UBA2: variants seen among roughly 807,000 people sequenced by gnomAD.
UBA2 encodes the protein SUMO-activating enzyme subunit 2.
In UBA2, 11 loss-of-function variants were observed where a neutral mutation model predicts 77.2. That is an observed-to-expected ratio of 0.14 (90% CI 0.09 to 0.24). UBA2 has a LOEUF of 0.24. Ranked by LOEUF, UBA2 falls within the 10% of genes least tolerant of loss-of-function variation. The pLI is 1.00. For missense variants in UBA2, 487 were observed against 781.7 expected (o/e 0.62, Z 4.50); for synonymous variants, 278 against 276.7 (o/e 1.00, Z -0.05).
intron 13 of UBA2, among the ~76,000 whole-genome samples, chr19:34,459,679 CCACTTTGGGAT>C: frequency 6.6e-6 from 1 of 152,258 alleles, no homozygotes; most frequent in South Asian, 2.1e-4. Context: ...GTGTCACTTT[CCACTTTGGGAT>C]CACTTCCTAT....
chr19:34,464,793 G>T (rs1345512136), intron 15 of UBA2, among the ~76,000 whole-genome samples: 2 of 152,094 alleles, frequency 1.3e-5, no homozygotes, highest in East Asian at 3.9e-4. Flanking sequence ...TGATTTTGTG[G>T]CAATAACAAA....
intron 1 of UBA2, among the ~76,000 whole-genome samples, chr19:34,429,728 C>T (rs1038753589): frequency 6.6e-6 from 1 of 151,786 alleles, no homozygotes; most frequent in Non-Finnish European, 1.5e-5. Context: ...CCCAGCTACC[C>T]GGGAGGCTGT....
At chr19:34,432,567 T>G (rs1002099083) in intron 3 of UBA2, among the ~76,000 whole-genome samples, 4 of 151,896 alleles carry the variant, frequency 2.6e-5, no homozygotes, top group African/African-American at 4.8e-5. Context: ...TGTGTTTTTT[T>G]TGTGTGTGAG....
chr19:34,434,754 A>G, intron 4 of UBA2, 114 bp from the exon 5 acceptor site: 1 of 765,546 alleles, frequency 1.3e-6, no homozygotes, highest in Non-Finnish European at 2.2e-6. Context: ...CATAGCTATA[A>G]GAAAATTGTA....
intron 9 of UBA2, among the ~76,000 whole-genome samples, chr19:34,451,545 T>G (rs996550106): frequency 1.2e-4 from 15 of 123,306 alleles, no homozygotes; most frequent in African/African-American, 3.4e-4. Context: ...AGTTTTTTTT[T>G]TTTTTTTTTT....
intron 12 of UBA2, 130 bp from the exon 13 acceptor site, chr19:34,458,639 C>A (rs1599928007): frequency 1.8e-6 from 1 of 564,056 alleles, no homozygotes; most frequent in Non-Finnish European, 2.9e-6. Flanking sequence ...TTTTCCTGAT[C>A]CATTTTGCCA....
At chr19:34,442,438 A>T (rs1434563702) in intron 6 of UBA2, among the ~76,000 whole-genome samples, 4 of 152,144 alleles carry the variant, frequency 2.6e-5, no homozygotes, top group Admixed American at 2.6e-4. Flanking sequence ...GTAAAAAATG[A>T]TGCTTTTTTT....
intron 8 of UBA2, among the ~76,000 whole-genome samples, chr19:34,449,206 A>G (rs900914544): frequency 6.7e-6 from 1 of 149,914 alleles, no homozygotes; most frequent in African/African-American, 2.5e-5. Flanking sequence ...AGTAGCTGGG[A>G]TTACAGGCAC....
intron 6 of UBA2, among the ~76,000 whole-genome samples, chr19:34,442,532 A>G (rs1157311659): frequency 6.6e-6 from 1 of 152,150 alleles, no homozygotes; most frequent in African/African-American, 2.4e-5. Context: ...TCCTGGGTTC[A>G]AGCGATTCTC....
intron 1 of UBA2, chr19:34,430,303 T>C (rs932974382): frequency 3.2e-5 from 10 of 315,008 alleles, no homozygotes; most frequent in African/African-American, 2.1e-4. Context: ...TCCAGGGAGT[T>C]TCCTGAAATA....
intron 14 of UBA2, among the ~76,000 whole-genome samples, chr19:34,463,073 GACA>G (rs1174133957): frequency 6.6e-6 from 1 of 150,968 alleles, no homozygotes; most frequent in Non-Finnish European, 1.5e-5. Context: ...CTCCAGCCTG[GACA>G]ACAGAGTGAG....
chr19:34,438,557 A>T, intron 5 of UBA2, 88 bp from the exon 6 acceptor site: 1 of 1,489,384 alleles, frequency 6.7e-7, no homozygotes, highest in African/African-American at 1.4e-5. Flanking sequence ...CGTAGTTGGA[A>T]TATAGATGAA....
intron 6 of UBA2, 65 bp downstream of exon 6, chr19:34,438,831 T>A (rs1473573619): frequency 6.3e-7 from 1 of 1,585,868 alleles, no homozygotes; most frequent in Non-Finnish European, 8.6e-7. Context: ...TCATTTTTAT[T>A]TAATTACCTT....
At chr19:34,458,451 T>C (rs1014218702) in intron 12 of UBA2, among the ~76,000 whole-genome samples, 1 of 149,162 alleles carries the variant, frequency 6.7e-6, no homozygotes, top group African/African-American at 2.5e-5. Context: ...TCCCAGCTAC[T>C]CGGGAGGCTG....
At chr19:34,438,871 T>C in intron 6 of UBA2, 105 bp downstream of exon 6, 1 of 1,421,042 alleles carries the variant, frequency 7.0e-7, no homozygotes, top group Non-Finnish European at 9.6e-7. Flanking sequence ...TGTTTAAATA[T>C]GGTGAAGGGA....
intron 16 of UBA2, among the ~76,000 whole-genome samples, chr19:34,467,493 GGCC>G (rs2075699963): frequency 6.6e-6 from 1 of 150,876 alleles, no homozygotes; most frequent in Non-Finnish European, 1.5e-5. Context: ...AGTCATTTAA[GGCC>G]TGGCATGGTG....
At chr19:34,445,435 CTTTTT>C (rs67809236) in intron 8 of UBA2, among the ~76,000 whole-genome samples, 1 of 73,112 alleles carries the variant, frequency 1.4e-5, no homozygotes, top group Non-Finnish European at 2.7e-5. Flanking sequence ...CTCATCTTCA[CTTTTT>C]TTTTTTTTTT....
chr19:34,457,741 G>T (rs576626699), intron 12 of UBA2, among the ~76,000 whole-genome samples: 3 of 152,304 alleles, frequency 2.0e-5, no homozygotes, highest in African/African-American at 7.2e-5. Flanking sequence ...GTAGTCACAA[G>T]ATAAAGGTTT....
chr19:34,454,389 C>G, intron 11 of UBA2, 36 bp downstream of exon 11: 1 of 1,585,254 alleles, frequency 6.3e-7, no homozygotes, highest in Non-Finnish European at 8.6e-7. Context: ...TCACTAAAAC[C>G]TTGAAGTTGT....
Sources: gnomAD v4.1 joint callset for allele counts (sites outside exome capture counted in the v4.1 genomes callset) on GRCh38, gnomAD v4.1.1 for gene constraint, MANE v1.5 for transcripts, NCBI Gene and HGNC (gene_info 2026-07-23, HGNC 2026-07-21) for gene names.